Variants in HSPD1 observed in about 807,000 individuals in gnomAD.
The protein encoded by HSPD1 is 60 kDa heat shock protein, mitochondrial.
A neutral mutation model predicts 53.0 loss-of-function variants in HSPD1; 3 were observed. That is an observed-to-expected ratio of 0.06 (90% CI 0.03 to 0.15). The LOEUF (loss-of-function observed/expected upper bound fraction) is 0.15, where lower values mean the gene tolerates loss of function less well. HSPD1 is among the 10% of genes least tolerant of loss of function. HSPD1 has a pLI of 1.00. For synonymous variants in HSPD1, 200 were observed against 228.0 expected (o/e 0.88, Z 1.10); for missense variants, 431 against 694.1 (o/e 0.62, Z 4.26).
rs1342462739 is a variant in HSPD1, at chr2:197,487,966, T to A, written c.1461A>T (p.Gly487=). 11 of 1,613,194 alleles carry A rather than the reference T, an allele frequency of 6.8e-6. No homozygotes were observed. Among genetic ancestry groups the A allele is most frequent in the African/African-American group, 2.7e-5 (2 of 74,918 alleles). ...MTIAKNAGVE[G]SLIVEKIMQS... The stretch of plus-strand genomic sequence containing the variant: ...GCATAATTTTCTCAACTATCAAAGA[T>A]CCTTCAACACCTGCATTCTTAGCAA... Residue 487 remains glycine, a synonymous_variant, in exon 11 of 12, where the codon GGA becomes GGT. Coordinates refer to ENST00000388968, the MANE Select transcript of HSPD1 (RefSeq NM_002156.5).
rs554952501 is a variant in HSPD1 at position 197,494,508 on chromosome 2, T to A, written c.606+149A>T. On this transcript the variant is annotated intron_variant, in intron 5 of 11. Coordinates refer to ENST00000388968, the MANE Select transcript of HSPD1 (RefSeq NM_002156.5). ...CACAGTAAGTACTTTATTCTATACATGTGCTGAGACTACATATGAAGGAAT... is the reference window on the plus strand; with the variant it reads ...CACAGTAAGTACTTTATTCTATACAAGTGCTGAGACTACATATGAAGGAAT... 1.1e-5 allele frequency: 7 copies of A among 658,112 alleles called. No homozygotes were observed. The Admixed American group carries it at 1.5e-4, about 14-fold the overall frequency. The allele number at this position is 658,112 out of a possible 1,614,324, so 40.8% of individuals were successfully genotyped here. A position where few individuals can be genotyped will look rare whatever the true frequency, so the allele number is the denominator to read the frequency against.
rs775517521 is a variant in HSPD1 at position 197,495,271 on chromosome 2, C to A, written c.510+23G>T. ...ATGCCATTAAATTTTTTTTAAAAAA[C>A]GTGTAACATGTTAAGTCCTTACCTG... On this transcript the variant is annotated intron_variant, in intron 4 of 11. Coordinates refer to ENST00000388968, the MANE Select transcript of HSPD1 (RefSeq NM_002156.5). 9 of 1,451,678 alleles carry A rather than the reference C, an allele frequency of 6.2e-6. No homozygotes were observed. The Admixed American group carries it at 1.5e-4, about 24-fold the overall frequency. 89.9% of individuals were successfully genotyped at this position (1,451,678 alleles called of 1,614,324 possible). A position where few individuals can be genotyped will look rare whatever the true frequency, so the allele number is the denominator to read the frequency against.
chr2:197,491,871 G>A (rs1295227255), intron 7 of HSPD1, among the ~76,000 whole-genome samples: 2 of 152,194 alleles, frequency 1.3e-5, no homozygotes, highest in African/African-American at 4.8e-5. Flanking sequence ...AAGGGTAGTG[G>A]CTCATGCCTG....
intron 7 of HSPD1, among the ~76,000 whole-genome samples, chr2:197,492,530 T>C (rs1459603103): frequency 6.6e-6 from 1 of 151,894 alleles, no homozygotes; most frequent in East Asian, 1.9e-4. Flanking sequence ...CCCTGTTCTA[T>C]GCAAAATAAT....
chr2:197,494,836 CA>C, intron 4 of HSPD1, 84 bp from the exon 5 acceptor site: 2 of 865,890 alleles, frequency 2.3e-6, no homozygotes, highest in Non-Finnish European at 4.0e-6. Context: ...TAGTAACTTC[CA>C]AATTGATACT....
chr2:197,494,900 C>G lies in HSPD1; in HGVS notation c.511-148G>C, dbSNP rs77582938. ...ACGTTATGGTAGTTTTCATGAAGTA[C>G]TGGTTCTTTGCTCTTTTCCGATTCA... is the stretch of plus-strand genomic sequence containing the variant. On this transcript the variant is annotated intron_variant, in intron 4 of 11. Coordinates refer to ENST00000388968, the MANE Select transcript of HSPD1 (RefSeq NM_002156.5). 4.1e-4 allele frequency: 280 copies of G among 686,632 alleles called. No homozygotes were observed. The African/African-American group carries it at 4.5e-3, about 11-fold the overall frequency. The allele number at this position is 686,632 out of a possible 1,614,324, so 42.5% of individuals were successfully genotyped here.
rs1039424316 is a variant in HSPD1 at position 197,491,452 on chromosome 2, G to A, written c.870-1156C>T. ...TGGGATTACAGGCATGAGTCACCAC[G>A]CCCAGCCAAGTCTTTTCTTAATCCC... On this transcript the variant is annotated intron_variant, in intron 7 of 11. Transcript: ENST00000388968. 7.9e-5 allele frequency among the ~76,000 whole-genome samples: 12 copies of A among 151,964 alleles called. No homozygotes were observed. The East Asian group carries it at 1.7e-3, about 22-fold the overall frequency.
In HSPD1 at chr2:197,494,066, A is replaced by G; in HGVS notation, c.700+91T>C. 1.3e-5 allele frequency: 9 copies of G among 702,686 alleles called. No homozygotes were observed. The South Asian group carries it at 1.4e-4, about 11-fold the overall frequency. The allele number at this position is 702,686 out of a possible 1,614,324, so 43.5% of individuals were successfully genotyped here. ...GCAGTGAGCAACGCGCCACCACATC[A>G]TGCCACTGCACTCCAGCCGGGGCAA... On this transcript the variant is annotated intron_variant, in intron 6 of 11. Transcript: ENST00000388968.
chr2:197,487,404 A>G (rs1053679543), intron 11 of HSPD1, among the ~76,000 whole-genome samples: 16 of 152,044 alleles, frequency 1.1e-4, no homozygotes, highest in African/African-American at 3.9e-4. Flanking sequence ...AAAATTAGCC[A>G]GGCATGGTGG....
At chr2:197,499,263 CA>C in intron 1 of HSPD1, 2 of 295,444 alleles carry the variant, frequency 6.8e-6, no homozygotes, top group South Asian at 3.1e-5. Flanking sequence ...CCTGACGGTG[CA>C]AAAAGCCGCT....
Position 197,493,504 on chromosome 2 carries a change from A to G in HSPD1, c.701-12T>C, listed in dbSNP as rs2086119459. The G allele has an allele frequency of 6.3e-7, 1 of 1,599,638 alleles. No homozygotes were observed. Among genetic ancestry groups the G allele is most frequent in the African/African-American group, 1.3e-5 (1 of 74,784 alleles). On this transcript the variant is annotated splice_polypyrimidine_tract_variant and intron_variant, in intron 6 of 11. Transcript: ENST00000388968. Reference sequence around the variant, plus strand: ...TTCACATTTCTGACCTGTAAAAATAATGAAGATTTCAAAAATATACAAAAA... The same window carrying G: ...TTCACATTTCTGACCTGTAAAAATAGTGAAGATTTCAAAAATATACAAAAA...
Position 197,488,494 on chromosome 2 carries a change from A to G in HSPD1, c.1216-3T>C. The G allele has an allele frequency of 6.2e-7, 1 of 1,612,892 alleles. No homozygotes were observed. On this transcript the variant is annotated splice_region_variant and splice_polypyrimidine_tract_variant and intron_variant, in intron 9 of 11. Transcript: ENST00000388968. ...TCAACATCACTTGTCCCACCAACCTAAAGACGAAAAGAATTCCAGTTAGTA... is the reference window on the plus strand; with the variant it reads ...TCAACATCACTTGTCCCACCAACCTGAAGACGAAAAGAATTCCAGTTAGTA...
intron 9 of HSPD1, among the ~76,000 whole-genome samples, 172 bp downstream of exon 9, chr2:197,488,830 T>C (rs1287899896): frequency 2.6e-5 from 4 of 152,212 alleles, no homozygotes; most frequent in African/African-American, 9.7e-5. Flanking sequence ...ATCGCACCAC[T>C]GCATCCCAGC....
chr2:197,489,480 AAC>A (rs1469889772), intron 8 of HSPD1, among the ~76,000 whole-genome samples: 1 of 152,172 alleles, frequency 6.6e-6, no homozygotes, highest in Non-Finnish European at 1.5e-5. Context: ...TTGAGAAAAA[AAC>A]ATCGAAGGTC....
Position 197,487,760 on chromosome 2 carries a change from G to C in HSPD1, c.1569+98C>G. The C allele has an allele frequency of 6.3e-6, 6 of 957,308 alleles. No individual in the cohort carries two copies. The Admixed American group carries it at 1.1e-4, about 18-fold the overall frequency. 59.3% of individuals were successfully genotyped at this position (957,308 alleles called of 1,614,324 possible). On this transcript the variant is annotated intron_variant, in intron 11 of 11. Transcript: ENST00000388968. The stretch of plus-strand genomic sequence containing the variant: ...GCTATTGCTGTTGCTACTGCTATTA[G>C]ACTATTTTTCTGGTGACAAAATCAA...
chr2:197,494,005 G>A (rs1559302371), intron 6 of HSPD1, 152 bp downstream of exon 6: 2 of 566,298 alleles, frequency 3.5e-6, no homozygotes, highest in Non-Finnish European at 6.5e-6. Context: ...GGGAGACTGA[G>A]GCAAGAGAAT....
chr2:197,487,767 T>C lies in HSPD1; in HGVS notation c.1569+91A>G, dbSNP rs868417660. On this transcript the variant is annotated intron_variant, in intron 11 of 11. Transcript: ENST00000388968. ...CTGTTGCTACTGCTATTAGACTATTTTTCTGGTGACAAAATCAAAGATTTG... is the reference window on the plus strand; with the variant it reads ...CTGTTGCTACTGCTATTAGACTATTCTTCTGGTGACAAAATCAAAGATTTG... 29 of 1,071,010 alleles carry C rather than the reference T, an allele frequency of 2.7e-5. No individual in the cohort carries two copies. In the Middle Eastern group the frequency reaches 9.9e-4, roughly 37 times the overall value. 66.3% of individuals were successfully genotyped at this position (1,071,010 alleles called of 1,614,324 possible). A position where few individuals can be genotyped will look rare whatever the true frequency, so the allele number is the denominator to read the frequency against.
In HSPD1 at chr2:197,493,273, A is replaced by G. The variant is rs1232942284; in HGVS notation, c.869+51T>C. Reference sequence around the variant, plus strand: ...GAAACTGCAAACAGCAATACAAATAATTCTGTCTTTCACCGAGAAATATAA... The same window carrying G: ...GAAACTGCAAACAGCAATACAAATAGTTCTGTCTTTCACCGAGAAATATAA... On this transcript the variant is annotated intron_variant, in intron 7 of 11. Transcript: ENST00000388968. The G allele has an allele frequency of 2.0e-6, 3 of 1,496,444 alleles. No individual in the cohort carries two copies. The African/African-American group carries it at 4.1e-5, about 21-fold the overall frequency. 92.7% of individuals were successfully genotyped at this position (1,496,444 alleles called of 1,614,324 possible). A position where few individuals can be genotyped will look rare whatever the true frequency, so the allele number is the denominator to read the frequency against.
upstream of HSPD1, chr2:197,500,147 G>A (rs1395633719): frequency 1.1e-5 from 6 of 534,694 alleles, no homozygotes; most frequent in Non-Finnish European, 1.3e-5. Context: ...GGACGAAGGG[G>A]TAGTTCTTTC....
Sources: gnomAD v4.1 joint callset for allele counts (sites outside exome capture counted in the v4.1 genomes callset) on GRCh38, gnomAD v4.1.1 for gene constraint, MANE v1.5 for transcripts, NCBI Gene and HGNC (gene_info 2026-07-23, HGNC 2026-07-21) for gene names.